The following PBX3 variants were observed in gnomAD, a reference collection of about 807,000 sequenced individuals.
PBX3 encodes the protein pre-B-cell leukemia transcription factor 3.
PBX3 carries 14 observed loss-of-function variants against 48.5 expected under a neutral mutation model. The observed-to-expected ratio is 0.29, with a 90% confidence interval of 0.19 to 0.45. The LOEUF (loss-of-function observed/expected upper bound fraction) is 0.45, where lower values mean the gene tolerates loss of function less well. PBX3 is among the 20% of genes least tolerant of loss of function. The pLI, the probability that PBX3 is intolerant of heterozygous loss-of-function variation, is 1.00. For synonymous variants in PBX3, 210 were observed against 200.3 expected, an observed-to-expected ratio of 1.05 and a Z score of -0.41; for missense variants, 386 against 546.7, an observed-to-expected ratio of 0.71 and a Z score of 2.93.
intron 2 of PBX3, among the ~76,000 whole-genome samples, chr9:125,755,360 CTT>C (rs1300722191): frequency 6.6e-6 from 1 of 152,102 alleles, no homozygotes; most frequent in African/African-American, 2.4e-5. Context: ...ATGCTGGTAA[CTT>C]TGGCAATTAT....
In PBX3 at chr9:125,967,185, TTCTC is replaced by T. The variant is rs1842552158; in HGVS notation, c.*1266_*1269del. On this transcript the variant is annotated 3_prime_UTR_variant, in exon 9 of 9. Transcript: ENST00000373489. ...CCTGTGTAATGGGGCCCCCTCTCCT[TTCTC>T]TCTTTTTGTATTGTATGCGATTCTG... 1 of 152,618 alleles carries T rather than the reference TTCTC, an allele frequency of 6.6e-6. No individual in the cohort carries two copies. The highest frequency in any genetic ancestry group is 2.4e-5 in the African/African-American group (1 of 41,442). The allele number at this position is 152,618 out of a possible 1,614,324, so 9.5% of individuals were successfully genotyped here.
intron 3 of PBX3, among the ~76,000 whole-genome samples, chr9:125,917,502 C>T (rs1056564588): frequency 6.6e-6 from 1 of 152,178 alleles, no homozygotes; most frequent in African/African-American, 2.4e-5. Flanking sequence ...AGTATTTTCA[C>T]TGCCCTAAAG....
At chr9:125,800,750 ATTTTTTTT>A (rs60068482) in intron 2 of PBX3, among the ~76,000 whole-genome samples, 1 of 133,128 alleles carries the variant, frequency 7.5e-6, no homozygotes. Flanking sequence ...CTTGGAATTA[ATTTTTTTT>A]TTTTTTTTTT....
At chr9:125,898,780 T>C (rs1203137620) in intron 2 of PBX3, among the ~76,000 whole-genome samples, 1 of 151,870 alleles carries the variant, frequency 6.6e-6, no homozygotes. Flanking sequence ...TGGATATTCA[T>C]GATTGTTTTT....
At chr9:125,945,604 T>C (rs139556215) in intron 5 of PBX3, among the ~76,000 whole-genome samples, 5 of 152,356 alleles carry the variant, frequency 3.3e-5, no homozygotes, top group African/African-American at 7.2e-5. Flanking sequence ...CCAGAACTGC[T>C]ATCTTATTCA....
intron 2 of PBX3, among the ~76,000 whole-genome samples, chr9:125,891,574 T>G (rs1840643216): frequency 6.6e-6 from 1 of 152,242 alleles, no homozygotes; most frequent in Non-Finnish European, 1.5e-5. Context: ...GAGTTAATTT[T>G]TTCTCCTACT....
In PBX3 at chr9:125,747,482, C is replaced by A; in HGVS notation, c.29C>A (p.Thr10Asn). MDDQSRMLQTLAGVNLAGHS... is the reference protein window; with the variant it reads MDDQSRMLQNLAGVNLAGHS... ...GACGATCAATCCAGGATGCTGCAGA[C>A]TCTGGCCGGGGTGAACCTGGCTGGC... is the stretch of plus-strand genomic sequence containing the variant. Residue 10 changes from threonine (T) to asparagine (N), a missense_variant, in exon 1 of 9, where the codon ACT becomes AAT. Around this residue, in one of 4 missense-constraint regions of PBX3, gnomAD observed 116 missense variants for 98.2 expected, o/e 1.18. Coordinates refer to ENST00000373489, the MANE Select transcript of PBX3 (RefSeq NM_006195.6). The A allele has an allele frequency of 1.9e-6, 3 of 1,580,100 alleles. No individual in the cohort carries two copies. In the South Asian group the frequency reaches 3.4e-5, roughly 18 times the overall value.
chr9:125,964,124 A>G (rs1177887336), intron 8 of PBX3, among the ~76,000 whole-genome samples: 1 of 152,254 alleles, frequency 6.6e-6, no homozygotes, highest in Non-Finnish European at 1.5e-5. Context: ...TTTTACAGAC[A>G]TGAATTCCAT....
At chr9:125,950,532 T>G (rs1409789541) in intron 5 of PBX3, among the ~76,000 whole-genome samples, 1 of 149,738 alleles carries the variant, frequency 6.7e-6, no homozygotes, top group Non-Finnish European at 1.5e-5. Context: ...AGGCTGGAGG[T>G]GCAGTGGCCT....
At chr9:125,837,898 C>CTA (rs1319951659) in intron 2 of PBX3, among the ~76,000 whole-genome samples, 2 of 152,104 alleles carry the variant, frequency 1.3e-5, no homozygotes, top group East Asian at 3.8e-4. Flanking sequence ...CCTAGACTTT[C>CTA]TATAGTCTTT....
chr9:125,810,328 T>A (rs978697084), intron 2 of PBX3, among the ~76,000 whole-genome samples: 10 of 152,060 alleles, frequency 6.6e-5, no homozygotes, highest in Non-Finnish European at 1.5e-4. Context: ...AAAGAATGTA[T>A]TTTATGTTGT....
At chr9:125,780,411 G>C (rs1188327765) in intron 2 of PBX3, among the ~76,000 whole-genome samples, 923 of 74,526 alleles carry the variant, frequency 0.012, 22 homozygotes, top group East Asian at 0.11. Flanking sequence ...CCGGGCGGGG[G>C]GCTGACCCCC....
intron 5 of PBX3, among the ~76,000 whole-genome samples, chr9:125,943,804 A>G (rs370072184): frequency 1.3e-5 from 2 of 151,426 alleles, no homozygotes; most frequent in African/African-American, 4.9e-5. Flanking sequence ...AATACTAGTG[A>G]TTGGTTCTGT....
intron 5 of PBX3, among the ~76,000 whole-genome samples, chr9:125,944,763 G>A (rs377689762): frequency 1.3e-5 from 2 of 152,198 alleles, no homozygotes; most frequent in East Asian, 1.9e-4. Context: ...GTTATTATGT[G>A]GGGGGTGGGG....
intron 4 of PBX3, among the ~76,000 whole-genome samples, chr9:125,934,720 CT>C (rs1184780925): frequency 6.6e-6 from 1 of 151,816 alleles, no homozygotes; most frequent in Non-Finnish European, 1.5e-5. Context: ...CCTAAACTTC[CT>C]TCTCTATCTC....
At chr9:125,825,260 G>A (rs757575861) in intron 2 of PBX3, among the ~76,000 whole-genome samples, 5 of 151,940 alleles carry the variant, frequency 3.3e-5, no homozygotes, top group Non-Finnish European at 7.4e-5. Flanking sequence ...CTCCAGACTG[G>A]GCAACAAAGT....
chr9:125,817,546 T>G (rs1246531827), intron 2 of PBX3, among the ~76,000 whole-genome samples: 1 of 152,212 alleles, frequency 6.6e-6, no homozygotes, highest in Non-Finnish European at 1.5e-5. Context: ...TTTGCTGAGT[T>G]GCACAACTCC....
At position 125,753,998 on chromosome 9, in the gene PBX3, G is replaced by T. The variant is rs1416032946; in HGVS notation, c.274+5375G>T. On this transcript the variant is annotated intron_variant, in intron 2 of 8. Transcript: ENST00000373489. The stretch of plus-strand genomic sequence containing the variant: ...GATGAAGTTACATTATATGAAGTGG[G>T]ACTATAAGAATTGAAACTGCATTTC... 2.6e-5 allele frequency among the ~76,000 whole-genome samples: 4 copies of T among 152,032 alleles called. No individual in the cohort carries two copies. In the South Asian group the frequency reaches 6.2e-4, roughly 24 times the overall value.
intron 2 of PBX3, among the ~76,000 whole-genome samples, chr9:125,866,098 G>C (rs1839973894): frequency 6.6e-6 from 1 of 151,700 alleles, no homozygotes; most frequent in South Asian, 2.1e-4. Flanking sequence ...CCATTGCTCA[G>C]AGATTACCAC....
Sources: allele counts gnomAD v4.1 joint callset (sites outside exome capture counted in the v4.1 genomes callset), GRCh38; gene constraint gnomAD v4.1.1; regional missense constraint gnomAD v4.1.1; transcripts MANE v1.5; gene names NCBI Gene and HGNC (gene_info 2026-07-23, HGNC 2026-07-21).